GDA: variants seen among roughly 807,000 people sequenced by gnomAD.
The protein encoded by GDA is cytoplasmic PSD-95 interactor.
GDA carries 18 observed loss-of-function variants against 59.6 expected under a neutral mutation model. The ratio of observed to expected loss-of-function variants is 0.30; its 90% CI spans 0.21 to 0.45. The LOEUF is 0.45. Among genes scored for constraint, GDA ranks in the 20% least tolerant of loss-of-function variants. The pLI is 1.00. For synonymous variants in GDA, 201 were observed against 201.1 expected (o/e 1.00, Z 0.00); for missense variants, 427 against 552.3 (o/e 0.77, Z 2.27).
chr9:72,116,584 C>T (rs1825457790), intron 1 of GDA, among the ~76,000 whole-genome samples: 2 of 151,850 alleles, frequency 1.3e-5, no homozygotes, highest in East Asian at 2.0e-4. Context: ...AGTTTCACTA[C>T]GTTGGTTGGC....
At chr9:72,163,556 G>T (rs1213522325) in intron 1 of GDA, among the ~76,000 whole-genome samples, 1 of 151,196 alleles carries the variant, frequency 6.6e-6, no homozygotes, top group Non-Finnish European at 1.5e-5. Flanking sequence ...GCAGTGGCAC[G>T]ATCTCGGCTC....
In GDA at chr9:72,208,404, C is replaced by G. The variant is rs1171857951; in HGVS notation, c.385-2283C>G. On this transcript the variant is annotated intron_variant, in intron 3 of 13. Coordinates refer to ENST00000358399, the MANE Select transcript of GDA (RefSeq NM_004293.5). ...TAAAAGCTTCTGCTAAAGATATGCCCCAAAGTATTCAATCCACTAGTCCTT... is the reference window on the plus strand; with the variant it reads ...TAAAAGCTTCTGCTAAAGATATGCCGCAAAGTATTCAATCCACTAGTCCTT... Among the ~76,000 whole-genome samples, 3 of 152,274 alleles carry G rather than the reference C, an allele frequency of 2.0e-5. No homozygotes were observed. The East Asian group carries it at 5.8e-4, about 29-fold the overall frequency.
At chr9:72,133,295 A>AT (rs1320083847) in intron 1 of GDA, among the ~76,000 whole-genome samples, 2 of 129,244 alleles carry the variant, frequency 1.5e-5, no homozygotes, top group African/African-American at 5.8e-5. Context: ...TCTAAAAAAA[A>AT]AAAAAAAAAA....
intron 5 of GDA, among the ~76,000 whole-genome samples, chr9:72,216,315 G>C (rs1408769623): frequency 3.9e-5 from 6 of 152,180 alleles, no homozygotes; most frequent in Non-Finnish European, 7.3e-5. Context: ...CAGGGTGGTT[G>C]CATTTCCAGC....
At chr9:72,187,765 A>G (rs1054894656) in intron 1 of GDA, among the ~76,000 whole-genome samples, 1 of 152,190 alleles carries the variant, frequency 6.6e-6, no homozygotes. Flanking sequence ...AAAGTTTTGA[A>G]CTTCTTAAAG....
chr9:72,255,873 G>A (rs1840871419), downstream of GDA, among the ~76,000 whole-genome samples: 1 of 152,242 alleles, frequency 6.6e-6, no homozygotes, highest in African/African-American at 2.4e-5. Flanking sequence ...ATTATTTATT[G>A]TAACTTATGG....
At chr9:72,257,639 G>A (rs745981806), downstream of GDA, 5 of 152,226 alleles carry the variant, frequency 3.3e-5, no homozygotes, top group African/African-American at 4.8e-5. Flanking sequence ...ACTGAGGATA[G>A]GATTACAGGT....
At chr9:72,174,812 A>G in intron 1 of GDA, among the ~76,000 whole-genome samples, 1 of 152,076 alleles carries the variant, frequency 6.6e-6, no homozygotes, top group East Asian at 1.9e-4. Flanking sequence ...AGAGACAGAG[A>G]CAGAGTGGGG....
At chr9:72,164,438 T>C (rs1829035124) in intron 1 of GDA, among the ~76,000 whole-genome samples, 1 of 152,152 alleles carries the variant, frequency 6.6e-6, no homozygotes, top group Non-Finnish European at 1.5e-5. Flanking sequence ...GGAAGCTTAT[T>C]TCAGCACAGG....
chr9:72,146,905 A>G (rs569250045), upstream of GDA, among the ~76,000 whole-genome samples: 105 of 152,292 alleles, frequency 6.9e-4, no homozygotes, highest in African/African-American at 2.4e-3. Context: ...TGGAAGTGGA[A>G]CTATGCATTG....
chr9:72,145,683 T>C (rs1026631099), upstream of GDA, among the ~76,000 whole-genome samples: 2 of 152,182 alleles, frequency 1.3e-5, no homozygotes, highest in Non-Finnish European at 2.9e-5. Context: ...GTTGGGGAAT[T>C]TGGGGGCTAC....
intron 1 of GDA, among the ~76,000 whole-genome samples, chr9:72,179,154 TC>T (rs1200560885): frequency 1.3e-5 from 2 of 152,186 alleles, no homozygotes; most frequent in African/African-American, 4.8e-5. Context: ...TCTGCTGTCA[TC>T]CAGCCTGACG....
chr9:72,206,938 T>A (rs2131390580), intron 3 of GDA, among the ~76,000 whole-genome samples: 1 of 151,474 alleles, frequency 6.6e-6, no homozygotes, highest in South Asian at 2.1e-4. Context: ...AAAATGGCTT[T>A]ACTTTTTTTT....
At chr9:72,232,780 A>G (rs1838507259) in intron 10 of GDA, among the ~76,000 whole-genome samples, 2 of 152,222 alleles carry the variant, frequency 1.3e-5, no homozygotes, top group African/African-American at 2.4e-5. Flanking sequence ...ACCTTGAGAA[A>G]ATTAATTTTC....
In GDA at chr9:72,123,505, G is replaced by A. The variant is rs572480983; in HGVS notation, c.-100+8672G>A. 1.1e-3 allele frequency among the ~76,000 whole-genome samples: 30 copies of A among 28,410 alleles called. No homozygotes were observed. In the South Asian group the frequency reaches 0.031, roughly 30 times the overall value. 18.6% of individuals were successfully genotyped at this position (28,410 alleles called of 152,430 possible). ...GCCTTTTTTTTTTTTTTTTTTTTTT[G>A]AGACAGAATTTCGCTCTTGTTGCCC... On this transcript the variant is annotated intron_variant, in intron 1 of 13. Transcript: ENST00000545168.
intron 1 of GDA, among the ~76,000 whole-genome samples, chr9:72,152,775 G>T (rs1481287112): frequency 6.6e-6 from 1 of 152,094 alleles, no homozygotes; most frequent in Non-Finnish European, 1.5e-5. Flanking sequence ...CTTTTGCTGT[G>T]CAGAAGCTCT....
intron 1 of GDA, among the ~76,000 whole-genome samples, chr9:72,155,916 C>A (rs752733556): frequency 1.1e-4 from 16 of 152,146 alleles, no homozygotes; most frequent in Non-Finnish European, 2.1e-4. Flanking sequence ...TTACTATGGT[C>A]TACCTAATAG....
chr9:72,124,188 C>T lies in GDA; in HGVS notation c.-100+9355C>T, dbSNP rs575242700. On this transcript the variant is annotated intron_variant, in intron 1 of 13. Coordinates refer to the GDA transcript ENST00000545168. ...TAGTGGAAACCACCTATGCCCTTTA[C>T]CTCTTTATTTGTATCAGCCATGGCA... is the stretch of plus-strand genomic sequence containing the variant. Among the ~76,000 whole-genome samples the T allele has an allele frequency of 2.6e-3, 399 of 152,292 alleles. 3 individuals are homozygous for T. Among genetic ancestry groups the T allele is most frequent in the African/African-American group, 9.1e-3 (379 of 41,552 alleles).
intron 1 of GDA, among the ~76,000 whole-genome samples, chr9:72,154,304 A>G (rs540226120): frequency 6.6e-6 from 1 of 152,316 alleles, no homozygotes; most frequent in Non-Finnish European, 1.5e-5. Context: ...TCATTTGTAG[A>G]GTCAGATTTC....
Sources: allele counts gnomAD v4.1 joint callset (sites outside exome capture counted in the v4.1 genomes callset), GRCh38; gene constraint gnomAD v4.1.1; transcripts MANE v1.5; gene names NCBI Gene and HGNC (gene_info 2026-07-23, HGNC 2026-07-21).